TTC7B: variants seen among roughly 807,000 people sequenced by gnomAD.
The protein encoded by TTC7B is tetratricopeptide repeat protein 7B.
TTC7B carries 28 observed loss-of-function variants against 106.8 expected under a neutral mutation model. That is an observed-to-expected ratio of 0.26 (90% CI 0.19 to 0.36). The LOEUF is 0.36. Among genes scored for constraint, TTC7B ranks in the 10% least tolerant of loss-of-function variants. The pLI is 1.00. For missense variants in TTC7B, 862 were observed against 1,076.4 expected, an observed-to-expected ratio of 0.80 and a Z score of 2.79; for synonymous variants, 405 against 430.6, an observed-to-expected ratio of 0.94 and a Z score of 0.74.
At chr14:90,726,325 G>T (rs1392774709) in intron 5 of TTC7B, among the ~76,000 whole-genome samples, 3 of 152,200 alleles carry the variant, frequency 2.0e-5, no homozygotes, top group Non-Finnish European at 4.4e-5. Flanking sequence ...CTCTGAAAGT[G>T]ATTAGAATGT....
intron 1 of TTC7B, among the ~76,000 whole-genome samples, chr14:90,800,298 T>C (rs1002460565): frequency 6.6e-6 from 1 of 152,076 alleles, no homozygotes; most frequent in Non-Finnish European, 1.5e-5. Flanking sequence ...AGAAATAGAC[T>C]GAGTGGGGAC....
At chr14:90,652,331 T>C (rs935250291) in intron 13 of TTC7B, among the ~76,000 whole-genome samples, 4 of 149,186 alleles carry the variant, frequency 2.7e-5, no homozygotes, top group African/African-American at 1.0e-4. Context: ...CCTAATTTCC[T>C]GAGAGGCACA....
intron 19 of TTC7B, among the ~76,000 whole-genome samples, chr14:90,548,416 A>G (rs1889928741): frequency 6.6e-6 from 1 of 152,268 alleles, no homozygotes; most frequent in South Asian, 2.1e-4. Flanking sequence ...CAAAAACACA[A>G]GTAAACCTGG....
chr14:90,573,881 C>T (rs565752567), intron 19 of TTC7B, among the ~76,000 whole-genome samples: 6 of 152,380 alleles, frequency 3.9e-5, no homozygotes, highest in Admixed American at 3.9e-4. Context: ...CTGGCCTTAT[C>T]AGCTCCCCTC....
chr14:90,545,182 C>G (rs1035790948), intron 19 of TTC7B, among the ~76,000 whole-genome samples: 1 of 152,188 alleles, frequency 6.6e-6, no homozygotes, highest in African/African-American at 2.4e-5. Flanking sequence ...ATGCTTCCCA[C>G]CTGGTCCACA....
intron 4 of TTC7B, among the ~76,000 whole-genome samples, chr14:90,739,147 C>G (rs530217923): frequency 1.3e-5 from 2 of 152,330 alleles, no homozygotes; most frequent in South Asian, 4.1e-4. Context: ...ACTCCAGGCT[C>G]CCAGATAAAG....
chr14:90,547,398 C>T (rs573621929), intron 19 of TTC7B, among the ~76,000 whole-genome samples: 6 of 152,366 alleles, frequency 3.9e-5, no homozygotes, highest in African/African-American at 1.4e-4. Flanking sequence ...GCCAGAGCCC[C>T]GGAAGGCTCC....
At chr14:90,568,698 G>A (rs1890897102) in intron 19 of TTC7B, among the ~76,000 whole-genome samples, 1 of 152,124 alleles carries the variant, frequency 6.6e-6, no homozygotes, top group South Asian at 2.1e-4. Context: ...AGAAATCCAA[G>A]CACCAAGCAG....
At chr14:90,685,367 A>C (rs370634337) in intron 7 of TTC7B, among the ~76,000 whole-genome samples, 2 of 152,348 alleles carry the variant, frequency 1.3e-5, no homozygotes, top group African/African-American at 4.8e-5. Flanking sequence ...CAGCCTTGGT[A>C]AGAAGGGAAC....
At chr14:90,763,452 A>G (rs560023635) in intron 3 of TTC7B, among the ~76,000 whole-genome samples, 1 of 152,330 alleles carries the variant, frequency 6.6e-6, no homozygotes, top group South Asian at 2.1e-4. Flanking sequence ...TCCCCCTAAA[A>G]TAAGGATGTC....
chr14:90,564,188 T>C (rs1265785117), intron 19 of TTC7B, among the ~76,000 whole-genome samples: 6 of 152,144 alleles, frequency 3.9e-5, no homozygotes, highest in Non-Finnish European at 7.4e-5. Flanking sequence ...AAGTGGATGC[T>C]GTGTTAGCAG....
chr14:90,627,794 A>G (rs1884514396), intron 15 of TTC7B, among the ~76,000 whole-genome samples: 1 of 152,218 alleles, frequency 6.6e-6, no homozygotes, highest in Non-Finnish European at 1.5e-5. Flanking sequence ...GTTAGCTGGA[A>G]TAAATCACCT....
At chr14:90,766,853 A>G (rs1595359823) in intron 3 of TTC7B, 3 of 1,597,022 alleles carry the variant, frequency 1.9e-6, no homozygotes, top group South Asian at 2.2e-5. Context: ...AACAAGCTCC[A>G]TGAAGACCTG....
At chr14:90,684,189 G>A (rs1385325041) in intron 7 of TTC7B, among the ~76,000 whole-genome samples, 1 of 152,032 alleles carries the variant, frequency 6.6e-6, no homozygotes, top group African/African-American at 2.4e-5. Flanking sequence ...TTCATCATCT[G>A]CTTCTTGGAA....
At chr14:90,606,546 A>G (rs1388398755) in intron 17 of TTC7B, among the ~76,000 whole-genome samples, 2 of 152,212 alleles carry the variant, frequency 1.3e-5, no homozygotes, top group Non-Finnish European at 2.9e-5. Context: ...TATTTAAGGA[A>G]CTACCAACTT....
At chr14:90,800,561 C>G (rs1212115758) in intron 1 of TTC7B, among the ~76,000 whole-genome samples, 1 of 152,086 alleles carries the variant, frequency 6.6e-6, no homozygotes, top group East Asian at 1.9e-4. Flanking sequence ...CCTGTAATCC[C>G]AGCACTTTGG....
chr14:90,625,079 G>A (rs1884380690), intron 15 of TTC7B, among the ~76,000 whole-genome samples: 2 of 152,232 alleles, frequency 1.3e-5, no homozygotes, highest in African/African-American at 2.4e-5. Flanking sequence ...AGGAAAGTGA[G>A]CATCTGTCAC....
chr14:90,768,305 C>T (rs1890753319), intron 3 of TTC7B, among the ~76,000 whole-genome samples: 1 of 152,118 alleles, frequency 6.6e-6, no homozygotes, highest in African/African-American at 2.4e-5. Flanking sequence ...CCTCAGGAGA[C>T]TTACAATCAT....
chr14:90,530,704 G>A lies in TTC7B; in HGVS notation c.*10664C>T, dbSNP rs1212108442. Reference sequence around the variant, plus strand: ...GGCCATGAGCCAAGCACACCCCTGAGAAACTGGAAAGGGCAAAGTTTGATG... The same window carrying A: ...GGCCATGAGCCAAGCACACCCCTGAAAAACTGGAAAGGGCAAAGTTTGATG... On this transcript the variant is annotated 3_prime_UTR_variant, in exon 20 of 20. Transcript: ENST00000328459. The A allele has an allele frequency of 6.6e-6, 1 of 152,232 alleles. No individual in the cohort carries two copies. Among genetic ancestry groups the A allele is most frequent in the Non-Finnish European group, 1.5e-5 (1 of 68,060 alleles). The allele number at this position is 152,232 out of a possible 1,614,324, so 9.4% of individuals were successfully genotyped here.
Sources: gnomAD v4.1 joint callset for allele counts (sites outside exome capture counted in the v4.1 genomes callset) on GRCh38, gnomAD v4.1.1 for gene constraint, MANE v1.5 for transcripts, NCBI Gene and HGNC (gene_info 2026-07-23, HGNC 2026-07-21) for gene names.